Variants in FMN2 observed in about 807,000 individuals in gnomAD.
FMN2 encodes formin-2.
FMN2 carries 51 observed loss-of-function variants against 142.3 expected under a neutral mutation model. That is an observed-to-expected ratio of 0.36 (90% CI 0.29 to 0.45). The LOEUF is 0.45. FMN2 is among the 20% of genes least tolerant of loss of function. The probability of loss-of-function intolerance (pLI) is 1.00; values close to 1 mark genes in which losing one functional copy is unlikely to be tolerated. For synonymous variants in FMN2, 882 were observed against 869.8 expected, an observed-to-expected ratio of 1.01 and a Z score of -0.25; for missense variants, 1,936 against 2,122.8, an observed-to-expected ratio of 0.91 and a Z score of 1.73.
At chr1:240,182,025 T>C (rs981514705) in intron 3 of FMN2, among the ~76,000 whole-genome samples, 9 of 152,218 alleles carry the variant, frequency 5.9e-5, no homozygotes, top group African/African-American at 2.2e-4. Context: ...ACATAGTATG[T>C]ACTTAAATAT....
At chr1:240,282,429 T>TA (rs912989772) in intron 7 of FMN2, among the ~76,000 whole-genome samples, 18 of 152,184 alleles carry the variant, frequency 1.2e-4, no homozygotes, top group African/African-American at 4.3e-4. Flanking sequence ...AAGAGAGTAA[T>TA]AAAATTTAGA....
At chr1:240,142,899 G>A (rs756195381) in intron 2 of FMN2, 52 of 1,605,394 alleles carry the variant, frequency 3.2e-5, no homozygotes, top group East Asian at 4.5e-5. Flanking sequence ...CTCATCAAAC[G>A]TAACCAGCAT....
At chr1:240,101,356 C>T (rs1440342404) in intron 1 of FMN2, among the ~76,000 whole-genome samples, 4 of 152,066 alleles carry the variant, frequency 2.6e-5, no homozygotes, top group South Asian at 2.1e-4. Flanking sequence ...ATTCCTATGC[C>T]GGAAGACCCG....
chr1:240,120,986 C>G (rs1237514670), intron 1 of FMN2, among the ~76,000 whole-genome samples: 1 of 152,070 alleles, frequency 6.6e-6, no homozygotes, highest in Non-Finnish European at 1.5e-5. Flanking sequence ...GGTGAAACCC[C>G]ATTTCTACTA....
chr1:240,111,059 T>A (rs1159915420), intron 1 of FMN2, among the ~76,000 whole-genome samples: 2 of 152,218 alleles, frequency 1.3e-5, no homozygotes, highest in Non-Finnish European at 2.9e-5. Context: ...ATTTGAAGTA[T>A]ATCTTGATCA....
chr1:240,404,776 T>C (rs1406380892), intron 15 of FMN2, among the ~76,000 whole-genome samples: 1 of 152,224 alleles, frequency 6.6e-6, no homozygotes, highest in East Asian at 1.9e-4. Context: ...ATGACACCCT[T>C]TGCAGATTTT....
intron 16 of FMN2, among the ~76,000 whole-genome samples, chr1:240,462,150 T>C (rs1676469896): frequency 6.6e-6 from 1 of 152,186 alleles, no homozygotes; most frequent in South Asian, 2.1e-4. Flanking sequence ...TCATTTCTCT[T>C]TCTGGTCCAC....
intron 1 of FMN2, among the ~76,000 whole-genome samples, chr1:240,111,498 A>G (rs557301669): frequency 6.6e-6 from 1 of 152,228 alleles, no homozygotes; most frequent in East Asian, 1.9e-4. Flanking sequence ...TTCTTTGACC[A>G]TATAGGGGAA....
intron 15 of FMN2, among the ~76,000 whole-genome samples, chr1:240,398,121 C>T (rs1446708424): frequency 6.6e-6 from 1 of 151,970 alleles, no homozygotes; most frequent in Non-Finnish European, 1.5e-5. Flanking sequence ...TCAGCCTCCC[C>T]AGTAGCTAGA....
chr1:240,397,850 G>A (rs1359466761), intron 15 of FMN2, among the ~76,000 whole-genome samples: 4 of 140,668 alleles, frequency 2.8e-5, no homozygotes, highest in East Asian at 2.2e-4. Flanking sequence ...ATACCATCTA[G>A]ACTGGTGTTT....
Position 240,398,427 on chromosome 1 carries a change from A to T in FMN2, c.4910+5865A>T, listed in dbSNP as rs9287233. Among the ~76,000 whole-genome samples the T allele has an allele frequency of 1.8e-4, 27 of 152,164 alleles. No individual in the cohort carries two copies. The East Asian group carries it at 3.7e-3, about 21-fold the overall frequency. On this transcript the variant is annotated intron_variant, in intron 15 of 17. Transcript: ENST00000319653. ...CAGTTTCTGTGAAAAGCAAAAGCTGAGGTCAAAGGCCTGAAATTATAAAAT... is the reference window on the plus strand; with the variant it reads ...CAGTTTCTGTGAAAAGCAAAAGCTGTGGTCAAAGGCCTGAAATTATAAAAT...
rs1668220577 is a variant in FMN2, at chr1:240,249,884, T to C, written c.4066-8061T>C. Among the ~76,000 whole-genome samples, 3 of 152,148 alleles carry C rather than the reference T, an allele frequency of 2.0e-5. No homozygotes were observed. The South Asian group carries it at 6.2e-4, about 31-fold the overall frequency. ...TTTGAGATTGGATTGCCTTCATTTCTTTCTCAGCTAGTTCATTATTGTTCT... is the reference window on the plus strand; with the variant it reads ...TTTGAGATTGGATTGCCTTCATTTCCTTCTCAGCTAGTTCATTATTGTTCT... On this transcript the variant is annotated intron_variant, in intron 6 of 17. Coordinates refer to ENST00000319653, the MANE Select transcript of FMN2 (RefSeq NM_020066.5).
intron 6 of FMN2, among the ~76,000 whole-genome samples, chr1:240,228,578 G>T: frequency 6.6e-6 from 1 of 151,890 alleles, no homozygotes; most frequent in Non-Finnish European, 1.5e-5. Context: ...CTCATACACC[G>T]CTGGTGGAAA....
chr1:240,289,605 A>G (rs1338253877), intron 7 of FMN2, among the ~76,000 whole-genome samples: 1 of 152,092 alleles, frequency 6.6e-6, no homozygotes, highest in Non-Finnish European at 1.5e-5. Flanking sequence ...GCTTGAACCC[A>G]GGAGTCTGAG....
intron 3 of FMN2, among the ~76,000 whole-genome samples, chr1:240,187,285 A>G (rs893211881): frequency 2.6e-5 from 4 of 151,134 alleles, no homozygotes; most frequent in East Asian, 1.9e-4. Context: ...AAAAAAAAAA[A>G]AAAAAAGAAA....
chr1:240,433,581 A>G (rs953416923), intron 15 of FMN2, among the ~76,000 whole-genome samples: 1 of 152,210 alleles, frequency 6.6e-6, no homozygotes, highest in Non-Finnish European at 1.5e-5. Flanking sequence ...AAGAGTTCAT[A>G]CAGCTCAGAC....
At chr1:240,298,894 G>A (rs1239493767) in intron 8 of FMN2, among the ~76,000 whole-genome samples, 2 of 151,638 alleles carry the variant, frequency 1.3e-5, no homozygotes, top group African/African-American at 2.4e-5. Flanking sequence ...TTTGCTTTAT[G>A]TTATCTTTAT....
Position 240,439,093 on chromosome 1 carries a change from C to CA in FMN2, c.5060+887dup, listed in dbSNP as rs528238963. 8.9e-3 allele frequency among the ~76,000 whole-genome samples: 1,352 copies of CA among 151,798 alleles called. 21 individuals are homozygous for CA. The highest frequency in any genetic ancestry group is 0.031 in the African/African-American group (1,299 of 41,350). ...TTCAAGACCAGCCTGGCAAACTTGG[C>CA]AAAACCCTGTCTGTACTAAAAGTAC... On this transcript the variant is annotated intron_variant, in intron 16 of 17. Coordinates refer to ENST00000319653, the MANE Select transcript of FMN2 (RefSeq NM_020066.5).
chr1:240,313,249 G>A (rs1360222855), intron 8 of FMN2, among the ~76,000 whole-genome samples: 3 of 152,198 alleles, frequency 2.0e-5, no homozygotes, highest in Non-Finnish European at 4.4e-5. Context: ...TCCCATCCAA[G>A]TGGGAACCAC....
Sources: gnomAD v4.1 joint callset for allele counts (sites outside exome capture counted in the v4.1 genomes callset) on GRCh38, gnomAD v4.1.1 for gene constraint, MANE v1.5 for transcripts, NCBI Gene and HGNC (gene_info 2026-07-23, HGNC 2026-07-21) for gene names.